The following SVIL variants were observed in gnomAD, a reference collection of about 807,000 sequenced individuals.
The protein encoded by SVIL is archvillin.
In SVIL, 101 loss-of-function variants were observed where a neutral mutation model predicts 240.4. The ratio of observed to expected loss-of-function variants is 0.42; its 90% CI spans 0.36 to 0.50. The LOEUF is 0.50. Ranked by LOEUF, SVIL falls within the 20% of genes least tolerant of loss-of-function variation. SVIL has a pLI of 0.01. For synonymous variants in SVIL, 999 were observed against 1,100.0 expected, an observed-to-expected ratio of 0.91 and a Z score of 1.82; for missense variants, 2,512 against 2,818.7, an observed-to-expected ratio of 0.89 and a Z score of 2.46.
chr10:29,572,186 A>G (rs1955454675), intron 1 of SVIL, among the ~76,000 whole-genome samples: 1 of 152,198 alleles, frequency 6.6e-6, no homozygotes, highest in Non-Finnish European at 1.5e-5. Context: ...TGAATTAATA[A>G]AGGCACATAA....
chr10:29,556,642 G>A (rs1481871557), intron 3 of SVIL, among the ~76,000 whole-genome samples: 1 of 152,178 alleles, frequency 6.6e-6, no homozygotes, highest in Non-Finnish European at 1.5e-5. Flanking sequence ...GCCTCCCCAG[G>A]AATCAGAGTA....
At chr10:29,580,305 G>A (rs1365955714) in intron 1 of SVIL, among the ~76,000 whole-genome samples, 2 of 152,090 alleles carry the variant, frequency 1.3e-5, no homozygotes, top group Non-Finnish European at 2.9e-5. Flanking sequence ...CTATGATCAC[G>A]CCACTGCACT....
intron 1 of SVIL, among the ~76,000 whole-genome samples, chr10:29,727,015 A>T (rs1351599770): frequency 6.6e-6 from 1 of 152,232 alleles, no homozygotes; most frequent in Admixed American, 6.5e-5. Context: ...ATGGGTACAC[A>T]CATCCACGTG....
intron 18 of SVIL, among the ~76,000 whole-genome samples, chr10:29,496,100 G>C (rs1279628276): frequency 6.6e-6 from 1 of 152,094 alleles, no homozygotes; most frequent in South Asian, 2.1e-4. Flanking sequence ...ACTATCACAA[G>C]GAAAACCAAG....
chr10:29,647,671 C>T (rs1368306719), intron 3 of SVIL, among the ~76,000 whole-genome samples: 1 of 150,972 alleles, frequency 6.6e-6, no homozygotes, highest in African/African-American at 2.4e-5. Flanking sequence ...AGTGAGAGAG[C>T]AGGTGAAGAA....
intron 1 of SVIL, among the ~76,000 whole-genome samples, chr10:29,581,617 G>T (rs1198441185): frequency 1.3e-5 from 2 of 152,170 alleles, no homozygotes; most frequent in Non-Finnish European, 2.9e-5. Context: ...TAAAGAAAAG[G>T]CTTATTGCAA....
chr10:29,632,974 C>T (rs1958161113), intron 1 of SVIL, among the ~76,000 whole-genome samples: 1 of 152,156 alleles, frequency 6.6e-6, no homozygotes, highest in Admixed American at 6.5e-5. Context: ...GGGCTCACGC[C>T]TATAATCCCA....
Position 29,554,930 on chromosome 10 carries a change from C to G in SVIL, c.13G>C (p.Glu5Gln). 3 of 1,610,762 alleles carry G rather than the reference C, an allele frequency of 1.9e-6. No individual in the cohort carries two copies. The highest frequency in any genetic ancestry group is 1.7e-6 in the Non-Finnish European group (2 of 1,178,620). ...CCTTCCAGGCGCCTGGCAATTCTTTCTTTTCTGTGAAATACACCACAAGAG... is the reference window on the plus strand; with the variant it reads ...CCTTCCAGGCGCCTGGCAATTCTTTGTTTTCTGTGAAATACACCACAAGAG... Reference protein sequence around the residue: MKRKERIARRLEGIE... With the variant: MKRKQRIARRLEGIE... The change falls in exon 5 of 38, where the codon GAA becomes CAA. Residue 5 changes from glutamate (E) to glutamine (Q), a missense_variant. This residue lies in a region of SVIL where 1,443 missense variants were observed against 1,486.6 expected (regional missense o/e 0.97). Transcript: ENST00000355867.
chr10:29,681,161 A>C (rs1409538939), intron 2 of SVIL, among the ~76,000 whole-genome samples: 1 of 152,142 alleles, frequency 6.6e-6, no homozygotes, highest in African/African-American at 2.4e-5. Context: ...TGTGACTGGT[A>C]CAACTGGGAA....
chr10:29,545,366 C>G (rs1376810241), intron 6 of SVIL, among the ~76,000 whole-genome samples: 1 of 152,112 alleles, frequency 6.6e-6, no homozygotes, highest in African/African-American at 2.4e-5. Flanking sequence ...GGGAGCCCTG[C>G]CCAAACCATC....
In SVIL at chr10:29,532,893, C is replaced by A. The variant is rs1384770574; in HGVS notation, c.1474G>T (p.Glu492Ter). Residue 492 changes from glutamate to a stop codon, truncating the protein, a stop_gained, in exon 8 of 38, where the codon GAA (glutamate) becomes TAA (stop). Coordinates refer to ENST00000355867, the MANE Select transcript of SVIL (RefSeq NM_021738.3). LOFTEE classifies it high-confidence loss of function. ...VSTVTLEHQK[E>*]LENVAQPPQA... ...GGGGGTTGTGCCACGTTTTCCAGTT[C>A]CTTCTGATGCTCTAAGGTGACTGTG... 1 of 1,614,080 alleles carries A rather than the reference C, an allele frequency of 6.2e-7. No homozygotes were observed. Among genetic ancestry groups the A allele is most frequent in the East Asian group, 2.2e-5 (1 of 44,864 alleles).
intron 13 of SVIL, 121 bp from the exon 14 acceptor site, chr10:29,524,836 C>T: frequency 2.7e-6 from 4 of 1,498,248 alleles, no homozygotes; most frequent in Non-Finnish European, 3.6e-6. Flanking sequence ...TTTCCCTAAG[C>T]ACGTCTAGGA....
At position 29,691,759 on chromosome 10, in the gene SVIL, C is replaced by T. The variant is rs369796457; in HGVS notation, c.-399-5108G>A. Reference sequence around the variant, plus strand: ...AGGACAACAAACCCCCCATCTACCCCGGCCAACAGATGCTGGAGAGCAAAG... The same window carrying T: ...AGGACAACAAACCCCCCATCTACCCTGGCCAACAGATGCTGGAGAGCAAAG... On this transcript the variant is annotated intron_variant, in intron 1 of 35. Transcript: ENST00000375400. 6.6e-5 allele frequency among the ~76,000 whole-genome samples: 10 copies of T among 152,258 alleles called. No individual in the cohort carries two copies. The South Asian group carries it at 8.3e-4, about 13-fold the overall frequency.
chr10:29,491,165 TC>T lies in SVIL; in HGVS notation c.4020-147del, dbSNP rs11316091. On this transcript the variant is annotated intron_variant, in intron 21 of 37. Coordinates refer to ENST00000355867, the MANE Select transcript of SVIL (RefSeq NM_021738.3). ...CCACCGCCACTCCCCTGACATGGAGTCGTAGAATCTTGGAGATGGAAGAGGG... is the reference window on the plus strand; with the variant it reads ...CCACCGCCACTCCCCTGACATGGAGTGTAGAATCTTGGAGATGGAAGAGGG... 9,567 of 943,396 alleles carry T rather than the reference TC, an allele frequency of 0.01. 646 individuals carry two copies. The African/African-American group carries it at 0.14, about 14-fold the overall frequency. The allele number at this position is 943,396 out of a possible 1,614,324, so 58.4% of individuals were successfully genotyped here. A position where few individuals can be genotyped will look rare whatever the true frequency, so the allele number is the denominator to read the frequency against.
intron 3 of SVIL, 53 bp from the exon 4 acceptor site, chr10:29,555,161 A>T: frequency 6.7e-7 from 1 of 1,487,790 alleles, no homozygotes. Flanking sequence ...TCGTGCGCTC[A>T]TTTTATTCAC....
chr10:29,535,405 C>G (rs1049615442), intron 7 of SVIL, among the ~76,000 whole-genome samples: 6 of 152,182 alleles, frequency 3.9e-5, no homozygotes, highest in African/African-American at 1.4e-4. Context: ...GTCAGAAACT[C>G]TGTGTGTGGA....
At chr10:29,717,056 T>C (rs7089689) in intron 1 of SVIL, among the ~76,000 whole-genome samples, 88,613 of 151,588 alleles carry the variant, frequency 0.58, 27,000 homozygotes, top group African/African-American at 0.76. Context: ...GGTGAAACTC[T>C]GTCTACTAAA....
upstream of SVIL, among the ~76,000 whole-genome samples, chr10:29,636,342 T>G (rs1249864616): frequency 1.3e-5 from 2 of 152,176 alleles, no homozygotes; most frequent in East Asian, 3.9e-4. Flanking sequence ...GTTCACTATT[T>G]GGGTCTTCTC....
At chr10:29,599,332 T>G (rs74787570) in intron 1 of SVIL, among the ~76,000 whole-genome samples, 1,944 of 152,322 alleles carry the variant, frequency 0.013, 33 homozygotes, top group African/African-American at 0.042. Context: ...CTGGAAAATT[T>G]AGAACACATT....
Sources: gnomAD v4.1 joint callset for allele counts (sites outside exome capture counted in the v4.1 genomes callset) on GRCh38, gnomAD v4.1.1 for gene constraint, gnomAD v4.1.1 regional missense constraint, MANE v1.5 for transcripts, NCBI Gene and HGNC (gene_info 2026-07-23, HGNC 2026-07-21) for gene names.